Variants in ARMH2 observed in about 807,000 individuals in gnomAD.
ARMH2 encodes the protein armadillo like helical domain containing 2.
ARMH2 carries 5 observed loss-of-function variants against 9.0 expected under a neutral mutation model. That is an observed-to-expected ratio of 0.56 (90% confidence interval 0.29 to 1.17). The LOEUF (loss-of-function observed/expected upper bound fraction) is 1.17, where lower values mean the gene tolerates loss of function less well. Ranked by LOEUF, ARMH2 falls within the 50% of genes most tolerant of loss-of-function variation. The pLI is 0.08. For synonymous variants in ARMH2, 74 were observed against 93.1 expected (o/e 0.79, Z 1.18); for missense variants, 236 against 268.3 (o/e 0.88, Z 0.84).
In ARMH2 at chr6:24,797,706, G is replaced by T; in HGVS notation, c.397C>A (p.Pro133Thr). ...CTTTTGGCTCTTTTCTGGCTGACAG[G>T]GTTTAAGTAACACCAACATGCCACA... ...QSVACWCYLNPVSQKRAKSLQ... is the reference protein window; with the variant it reads ...QSVACWCYLNTVSQKRAKSLQ... The change falls in exon 2 of 2, where the codon CCT becomes ACT. Residue 133 changes from proline to threonine, a missense_variant. Transcript: ENST00000565469. The T allele has an allele frequency of 1.3e-6, 2 of 1,535,406 alleles. No homozygotes were observed. Among genetic ancestry groups the T allele is most frequent in the Non-Finnish European group, 8.7e-7 (1 of 1,146,718 alleles).
Position 24,798,622 on chromosome 6 carries a change from G to A in ARMH2, c.236C>T (p.Ala79Val). 6.5e-7 allele frequency: 1 copy of A among 1,534,924 alleles called. No individual in the cohort carries two copies. The highest frequency in any genetic ancestry group is 8.7e-7 in the Non-Finnish European group (1 of 1,146,602). The change falls in exon 1 of 2, where the codon GCC becomes GTC. Residue 79 changes from alanine (A) to valine (V), a missense_variant. By Grantham distance (64) the Ala-to-Val change is moderately conservative. Coordinates refer to ENST00000565469, the MANE Select transcript of ARMH2 (RefSeq NM_001282492.2). ...SLPIEKRAQA[A>V]QKIGLLAFTG... ...GAAGGCCAGCAGTCCAATTTTCTGG[G>A]CAGCTTGAGCTCTCTTCTCAATGGG... is the stretch of plus-strand genomic sequence containing the variant.
Position 24,798,785 on chromosome 6 carries a change from G to T in ARMH2, c.73C>A (p.Arg25Ser), listed in dbSNP as rs537677755. The T allele has an allele frequency of 2.0e-6, 3 of 1,535,150 alleles. No individual in the cohort carries two copies. The highest frequency in any genetic ancestry group is 2.0e-5 in the Admixed American group (1 of 50,952). The change falls in exon 1 of 2, where the codon CGT (arginine) becomes AGT (serine). Residue 25 changes from arginine (R) to serine (S), a missense_variant. Coordinates refer to ENST00000565469, the MANE Select transcript of ARMH2 (RefSeq NM_001282492.2). ...MYGYFAGLCR[R>S]LQKFWRVTVK... Reference sequence around the variant, plus strand: ...GTGACACGCCAGAATTTCTGGAGACGCCGACACAGCCCCGCAAAATACCCA... The same window carrying T: ...GTGACACGCCAGAATTTCTGGAGACTCCGACACAGCCCCGCAAAATACCCA...
At position 24,797,597 on chromosome 6, in the gene ARMH2, A is replaced by G; in HGVS notation, c.506T>C (p.Leu169Pro). ...AACGTAACAAGTCCAAAATTTAAGG[A>G]GGAGGTAGCTGTTTGTTTCACTTTT... is the stretch of plus-strand genomic sequence containing the variant. ...TIKSETNSYL[L>P]LKFWTCYVLS... The change falls in exon 2 of 2, where the codon CTC becomes CCC. Residue 169 changes from leucine (L) to proline (P), a missense_variant. Leu to Pro is a moderately conservative substitution (Grantham distance 98). Transcript: ENST00000565469. 1 of 1,535,470 alleles carries G rather than the reference A, an allele frequency of 6.5e-7. No individual in the cohort carries two copies.
chr6:24,798,337 G>C (rs1319704109), intron 1 of ARMH2, among the ~76,000 whole-genome samples: 1 of 151,924 alleles, frequency 6.6e-6, no homozygotes. Flanking sequence ...AGCTGGTCTT[G>C]AACTCCAGAC....
Position 24,797,534 on chromosome 6 carries a change from T to G in ARMH2, c.569A>C (p.Lys190Thr), listed in dbSNP as rs751418720. ...VMTCNNLSCV[K>T]ELKDHSALKY... ...TAGAGCACTGTGGTCTTTAAGCTCC[T>G]TGACGCAAGACAAGTTATTGCATGT... Residue 190 changes from lysine to threonine, a missense_variant, in exon 2 of 2, where the codon AAG becomes ACG. Lys to Thr is a moderately conservative substitution (Grantham distance 78). Transcript: ENST00000565469. 6.5e-7 allele frequency: 1 copy of G among 1,535,508 alleles called. No individual in the cohort carries two copies. The highest frequency in any genetic ancestry group is 1.2e-5 in the South Asian group (1 of 84,052).
At chr6:24,798,502 A>C in intron 1 of ARMH2, 91 bp downstream of exon 1, 1 of 1,332,428 alleles carries the variant, frequency 7.5e-7, no homozygotes, top group South Asian at 1.5e-5. Flanking sequence ...TCAGAATTTT[A>C]AGATTACAGC....
At position 24,797,592 on chromosome 6, in the gene ARMH2, TAAG is replaced by T. The variant is rs1370646863; in HGVS notation, c.508_510del (p.Leu170del). On this transcript the variant is annotated inframe_deletion, in exon 2 of 2. Transcript: ENST00000565469. Reference sequence around the variant, plus strand: ...GAGAGAACGTAACAAGTCCAAAATTTAAGGAGGAGGTAGCTGTTTGTTTCACTT... The same window carrying T: ...GAGAGAACGTAACAAGTCCAAAATTTGAGGAGGTAGCTGTTTGTTTCACTT... 1 of 1,535,486 alleles carries T rather than the reference TAAG, an allele frequency of 6.5e-7. No individual in the cohort carries two copies. Among genetic ancestry groups the T allele is most frequent in the African/African-American group, 1.4e-5 (1 of 73,158 alleles).
chr6:24,798,138 C>A (rs990730691), intron 1 of ARMH2, among the ~76,000 whole-genome samples: 5 of 151,106 alleles, frequency 3.3e-5, no homozygotes, highest in African/African-American at 1.2e-4. Context: ...TTTTTTGAGA[C>A]GGAGTTTTGC....
chr6:24,798,697 T>C lies in ARMH2; in HGVS notation c.161A>G (p.His54Arg). The C allele has an allele frequency of 6.5e-7, 1 of 1,535,378 alleles. No homozygotes were observed. Reference sequence around the variant, plus strand: ...GCCAAGTACAACAATTTTTTCCTCATGAAAATAAGTCTCAGCTGAAGGGAT... The same window carrying C: ...GCCAAGTACAACAATTTTTTCCTCACGAAAATAAGTCTCAGCTGAAGGGAT... The part of the protein sequence containing the change: ...KKIPSAETYF[H>R]EEKIVVLGQV... The change falls in exon 1 of 2, where the codon CAT becomes CGT. Residue 54 changes from histidine to arginine, a missense_variant. Coordinates refer to ENST00000565469, the MANE Select transcript of ARMH2 (RefSeq NM_001282492.2).
Position 24,798,852 on chromosome 6 carries a change from A to G in ARMH2, c.6T>C (p.Ala2=). ...TTTGCGTACAAGAAAATCGGCTGTT[A>G]GCCATTGTGTAAAAAGGCCAGTGGT... is the stretch of plus-strand genomic sequence containing the variant. The part of the protein sequence containing the change: M[A]NSRFSCTQIW... The change falls in exon 1 of 2, where the codon GCT becomes GCC. Residue 2 remains alanine (A), a synonymous_variant. Transcript: ENST00000565469. 6.5e-7 allele frequency: 1 copy of G among 1,533,726 alleles called. No individual in the cohort carries two copies. The highest frequency in any genetic ancestry group is 8.7e-7 in the Non-Finnish European group (1 of 1,145,718).
intron 1 of ARMH2, among the ~76,000 whole-genome samples, chr6:24,798,380 G>A (rs1473183400): frequency 6.6e-6 from 1 of 152,124 alleles, no homozygotes; most frequent in Non-Finnish European, 1.5e-5. Flanking sequence ...GCCTCACAAA[G>A]TGCTGGGATT....
rs1453828631 is a variant in ARMH2, at chr6:24,797,418, T to C, written c.685A>G (p.Arg229Gly). The change falls in exon 2 of 2, where the codon AGG becomes GGG. Residue 229 changes from arginine (R) to glycine (G), a missense_variant. Coordinates refer to ENST00000565469, the MANE Select transcript of ARMH2 (RefSeq NM_001282492.2). ...EVLYFLIGFH[R>G]N The stretch of plus-strand genomic sequence containing the variant: ...AACTGGATTTAGAGAAACTAATTCC[T>C]ATGAAAACCAATTAGGAAATACAGC... 4 of 1,532,058 alleles carry C rather than the reference T, an allele frequency of 2.6e-6. No homozygotes were observed. 94.9% of individuals were successfully genotyped at this position (1,532,058 alleles called of 1,614,324 possible).
rs569963087 is a variant in ARMH2 at position 24,798,487 on chromosome 6, T to C, written c.265+106A>G. The stretch of plus-strand genomic sequence containing the variant: ...AGCAAATATCCCTCATCCAATGAAA[T>C]GTTATCAGAATTTTAAGATTACAGC... On this transcript the variant is annotated intron_variant, in intron 1 of 1. Coordinates refer to ENST00000565469, the MANE Select transcript of ARMH2 (RefSeq NM_001282492.2). 21 of 1,246,418 alleles carry C rather than the reference T, an allele frequency of 1.7e-5. No homozygotes were observed. In the Admixed American group the frequency reaches 4.0e-4, roughly 24 times the overall value. The allele number at this position is 1,246,418 out of a possible 1,614,324, so 77.2% of individuals were successfully genotyped here.
intron 1 of ARMH2, among the ~76,000 whole-genome samples, chr6:24,798,080 G>C (rs1780506691): frequency 6.6e-6 from 1 of 151,862 alleles, no homozygotes; most frequent in Non-Finnish European, 1.5e-5. Context: ...CTCCTCCCTG[G>C]TTCCTTTAAG....
chr6:24,798,104 G>T (rs925172697), intron 1 of ARMH2, among the ~76,000 whole-genome samples: 2 of 151,928 alleles, frequency 1.3e-5, no homozygotes, highest in African/African-American at 4.8e-5. Flanking sequence ...GCACCCAGGA[G>T]TGAGTATTTC....
rs993642031 is a variant in ARMH2 at position 24,797,544 on chromosome 6, A to T, written c.559T>A (p.Ser187Thr). ...VLSVMTCNNL[S>T]CVKELKDHSA... ...TGGTCTTTAAGCTCCTTGACGCAAG[A>T]CAAGTTATTGCATGTCATGACAGAG... Residue 187 changes from serine (S) to threonine (T), a missense_variant, in exon 2 of 2, where the codon TCT becomes ACT. Physicochemically the swap from Ser to Thr is moderately conservative, Grantham distance 58. Coordinates refer to ENST00000565469, the MANE Select transcript of ARMH2 (RefSeq NM_001282492.2). The T allele has an allele frequency of 1.3e-6, 2 of 1,535,402 alleles. No individual in the cohort carries two copies. The highest frequency in any genetic ancestry group is 1.7e-4 in the Middle Eastern group (1 of 6,006).
At position 24,797,389 on chromosome 6, in the gene ARMH2, A is replaced by G. The variant is rs1780495607; in HGVS notation, c.*21T>C. 6.6e-7 allele frequency: 1 copy of G among 1,523,638 alleles called. No individual in the cohort carries two copies. The allele number at this position is 1,523,638 out of a possible 1,614,324, so 94.4% of individuals were successfully genotyped here. A position where few individuals can be genotyped will look rare whatever the true frequency, so the allele number is the denominator to read the frequency against. Reference sequence around the variant, plus strand: ...AGGGTAATACACAGAGAGCTGCAACATGTAACTGGATTTAGAGAAACTAAT... The same window carrying G: ...AGGGTAATACACAGAGAGCTGCAACGTGTAACTGGATTTAGAGAAACTAAT... On this transcript the variant is annotated 3_prime_UTR_variant, in exon 2 of 2. Transcript: ENST00000565469.
At chr6:24,798,449 G>T (rs1780513345) in intron 1 of ARMH2, 144 bp downstream of exon 1, 1 of 1,030,024 alleles carries the variant, frequency 9.7e-7, no homozygotes, top group Non-Finnish European at 1.4e-6. Context: ...ATAAAACCTG[G>T]TTGTGTTCGC....
Position 24,798,846 on chromosome 6 carries a change from G to T in ARMH2, c.12C>A (p.Ser4Arg), listed in dbSNP as rs2113597001. ...CCCAAATTTGCGTACAAGAAAATCG[G>T]CTGTTAGCCATTGTGTAAAAAGGCC... The part of the protein sequence containing the change: MAN[S>R]RFSCTQIWVK... Residue 4 changes from serine to arginine, a missense_variant, in exon 1 of 2, where the codon AGC becomes AGA. Ser to Arg is a moderately radical substitution (Grantham distance 110). Transcript: ENST00000565469. 6.5e-7 allele frequency: 1 copy of T among 1,533,924 alleles called. No individual in the cohort carries two copies. The highest frequency in any genetic ancestry group is 1.4e-5 in the African/African-American group (1 of 72,966).
Sources: gnomAD v4.1 joint callset for allele counts (sites outside exome capture counted in the v4.1 genomes callset) on GRCh38, gnomAD v4.1.1 for gene constraint, MANE v1.5 for transcripts, NCBI Gene and HGNC (gene_info 2026-07-23, HGNC 2026-07-21) for gene names.